STARD9: variants seen among roughly 807,000 people sequenced by gnomAD.
The protein encoded by STARD9 is stAR-related lipid transfer protein 9.
Under a neutral mutation model 399.8 loss-of-function variants are expected in STARD9, and 346 were observed. The ratio of observed to expected loss-of-function variants is 0.87; its 90% CI spans 0.79 to 0.95. The LOEUF (loss-of-function observed/expected upper bound fraction) is 0.95. Ranked by LOEUF, STARD9 falls within the 40% of genes least tolerant of loss-of-function variation. The pLI is 0.00. For synonymous variants in STARD9, 2,203 were observed against 2,143.5 expected (o/e 1.03, Z -0.77); for missense variants, 5,832 against 5,667.5 (o/e 1.03, Z -0.93).
In STARD9 at chr15:42,580,525, A is replaced by G. The variant is rs530892848; in HGVS notation, c.48-2821A>G. Among the ~76,000 whole-genome samples the G allele has an allele frequency of 2.6e-5, 4 of 152,302 alleles. No homozygotes were observed. The South Asian group carries it at 8.3e-4, about 32-fold the overall frequency. On this transcript the variant is annotated intron_variant, in intron 1 of 32. Transcript: ENST00000290607. ...GGTATGAGGGTGGCTCTCAATAAAA[A>G]AAAACAACTAGAAGGCGTGGTGGCT...
intron 3 of STARD9, among the ~76,000 whole-genome samples, chr15:42,615,580 T>TTA (rs1196591413): frequency 4.6e-5 from 7 of 151,454 alleles, no homozygotes; most frequent in East Asian, 3.9e-4. Context: ...AAAACCCATA[T>TTA]TATATATATA....
rs866086417 is a variant in STARD9, at chr15:42,642,117, G to C, written c.559+3305G>C. 5.3e-5 allele frequency among the ~76,000 whole-genome samples: 8 copies of C among 152,214 alleles called. No individual in the cohort carries two copies. The South Asian group carries it at 1.2e-3, about 24-fold the overall frequency. On this transcript the variant is annotated intron_variant, in intron 7 of 32. Transcript: ENST00000290607. The stretch of plus-strand genomic sequence containing the variant: ...CTGTCTTAAGGCTTATCCATTCTGT[G>C]AATATGACTTTAAAGTGGAAAGTGG...
rs1428640602 is a variant in STARD9 at position 42,690,226 on chromosome 15, G to T, written c.8648G>T (p.Gly2883Val). 6.5e-7 allele frequency: 1 copy of T among 1,537,576 alleles called. No homozygotes were observed. Among genetic ancestry groups the T allele is most frequent in the Non-Finnish European group, 8.7e-7 (1 of 1,146,980 alleles). The part of the protein sequence containing the change: ...CVQCKESVGS[G>V]LTEVCRAGSK... ...CAGTGTAAGGAGAGTGTTGGGTCTG[G>T]GTTGACAGAAGTCTGCAGGGCTGGC... Residue 2883 changes from glycine to valine, a missense_variant, in exon 23 of 33, where the codon GGG (glycine) becomes GTG (valine). By Grantham distance (109) the Gly-to-Val change is moderately radical (BLOSUM62 -3). Transcript: ENST00000290607.
chr15:42,690,752 A>T lies in STARD9; in HGVS notation c.9174A>T (p.Arg3058Ser). 1.3e-6 allele frequency: 2 copies of T among 1,537,230 alleles called. No individual in the cohort carries two copies. Among genetic ancestry groups the T allele is most frequent in the Non-Finnish European group, 1.7e-6 (2 of 1,146,904 alleles). The change falls in exon 23 of 33, where the codon AGA (arginine) becomes AGT (serine). Residue 3058 changes from arginine to serine, a missense_variant. By Grantham distance (110) the Arg-to-Ser change is moderately radical (BLOSUM62 -1). This residue lies in a region of STARD9 where 5,828 missense variants were observed against 5,651.1 expected (regional missense o/e 1.03). Coordinates refer to ENST00000290607, the MANE Select transcript of STARD9 (RefSeq NM_020759.3). ...AAVLSRAQGC[R>S]SPSAPDVRTG... ...TCCTATCTCGAGCTCAAGGCTGCAG[A>T]TCCCCTTCTGCTCCTGACGTGAGGA...
chr15:42,712,094 TATAATATATA>T (rs2140393573), intron 26 of STARD9, among the ~76,000 whole-genome samples: 2 of 134 alleles, frequency 0.015, 1 homozygote, highest in Admixed American at 0.33. Flanking sequence ...TATATATATA[TATAATATATA>T]ATATATAATA....
chr15:42,600,356 G>A (rs1242307774), intron 3 of STARD9, among the ~76,000 whole-genome samples: 3 of 152,090 alleles, frequency 2.0e-5, no homozygotes, highest in Non-Finnish European at 4.4e-5. Context: ...CTGAGGAGAG[G>A]AAGCAGTGTA....
chr15:42,649,133 G>A (rs201194728), intron 7 of STARD9, among the ~76,000 whole-genome samples: 8 of 152,006 alleles, frequency 5.3e-5, no homozygotes, highest in East Asian at 3.9e-4. Context: ...GGGTTCAAGC[G>A]ATTCTCTTGC....
rs2060508101 is a variant in STARD9 at position 42,684,707 on chromosome 15, G to GC, written c.3130dup (p.His1044ProfsTer8). ...CTTCTCCAAGCAGGGCATCAAAAAGGCATCAGAGGGTTCTGGCAACTAGGG... is the reference window on the plus strand; with the variant it reads ...CTTCTCCAAGCAGGGCATCAAAAAGGCCATCAGAGGGTTCTGGCAACTAGGG... On this transcript the variant is annotated frameshift_variant, in exon 23 of 33. Coordinates refer to ENST00000290607, the MANE Select transcript of STARD9 (RefSeq NM_020759.3). LOFTEE classifies it high-confidence loss of function. 6.5e-7 allele frequency: 1 copy of GC among 1,537,074 alleles called. No individual in the cohort carries two copies.
At chr15:42,641,356 T>C (rs1280288259) in intron 7 of STARD9, among the ~76,000 whole-genome samples, 1 of 152,170 alleles carries the variant, frequency 6.6e-6, no homozygotes. Context: ...AGGTGGACAT[T>C]TCGTTGTTTT....
rs1360413195 is a variant in STARD9, at chr15:42,693,092, T to C, written c.11514T>C (p.Ser3838=). The C allele has an allele frequency of 6.5e-7, 1 of 1,537,028 alleles. No homozygotes were observed. The highest frequency in any genetic ancestry group is 2.4e-5 in the East Asian group (1 of 40,914). Reference sequence around the variant, plus strand: ...TTCCTTCTGTGAGCCCCTCAGTTTCTGATGCTTTCCTGCCTCCCAGCTCCC... The same window carrying C: ...TTCCTTCTGTGAGCCCCTCAGTTTCCGATGCTTTCCTGCCTCCCAGCTCCC... The part of the protein sequence containing the change: ...QHLPSVSPSV[S]DAFLPPSSQP... Residue 3838 remains serine (S), a synonymous_variant, in exon 23 of 33, where the codon TCT becomes TCC. Coordinates refer to ENST00000290607, the MANE Select transcript of STARD9 (RefSeq NM_020759.3).
chr15:42,686,329 C>T lies in STARD9; in HGVS notation c.4751C>T (p.Ala1584Val), dbSNP rs1005986960. ...SDFFSTSEKE[A>V]SYDETYSADL... Reference sequence around the variant, plus strand: ...TTCTTTAGCACTAGTGAGAAAGAGGCGAGTTATGACGAAACTTATTCGGCA... The same window carrying T: ...TTCTTTAGCACTAGTGAGAAAGAGGTGAGTTATGACGAAACTTATTCGGCA... The change falls in exon 23 of 33, where the codon GCG becomes GTG. Residue 1584 changes from alanine to valine, a missense_variant. Physicochemically the swap from Ala to Val is moderately conservative, Grantham distance 64. Transcript: ENST00000290607. The T allele has an allele frequency of 5.9e-6, 9 of 1,537,278 alleles. No homozygotes were observed. Among genetic ancestry groups the T allele is most frequent in the East Asian group, 4.9e-5 (2 of 40,920 alleles).
intron 20 of STARD9, among the ~76,000 whole-genome samples, chr15:42,676,761 G>T (rs1038613881): frequency 6.6e-6 from 1 of 152,158 alleles, no homozygotes; most frequent in African/African-American, 2.4e-5. Flanking sequence ...TTCAGCAGGG[G>T]ACTTGGTGCC....
At chr15:42,718,292 A>C in intron 30 of STARD9, 113 bp downstream of exon 30, 4 of 1,235,478 alleles carry the variant, frequency 3.2e-6, no homozygotes, top group Non-Finnish European at 4.6e-6. Context: ...GAGGCCAGGT[A>C]CTCAGGTTAC....
At chr15:42,697,839 C>G (rs2060877116) in intron 26 of STARD9, among the ~76,000 whole-genome samples, 1 of 152,076 alleles carries the variant, frequency 6.6e-6, no homozygotes, top group Non-Finnish European at 1.5e-5. Flanking sequence ...ACTTCTGGTC[C>G]CACACATTTT....
At chr15:42,645,309 C>G (rs1482316119) in intron 7 of STARD9, among the ~76,000 whole-genome samples, 1 of 152,160 alleles carries the variant, frequency 6.6e-6, no homozygotes, top group Non-Finnish European at 1.5e-5. Flanking sequence ...ATTCCTTGGT[C>G]CATTGGCCAT....
At chr15:42,631,013 G>T (rs1368407188) in intron 3 of STARD9, among the ~76,000 whole-genome samples, 1 of 149,034 alleles carries the variant, frequency 6.7e-6, no homozygotes, top group African/African-American at 2.5e-5. Flanking sequence ...AAATAGAAAT[G>T]GAGTCTTACT....
intron 26 of STARD9, among the ~76,000 whole-genome samples, chr15:42,701,733 G>T (rs541989351): frequency 6.6e-6 from 1 of 152,164 alleles, no homozygotes; most frequent in East Asian, 1.9e-4. Context: ...GGTGGCTCAC[G>T]CCTGTAATCC....
chr15:42,710,057 CT>C (rs1218850356), intron 26 of STARD9, among the ~76,000 whole-genome samples: 4,885 of 119,910 alleles, frequency 0.041, 181 homozygotes, highest in African/African-American at 0.12. Context: ...CATGCCCTGT[CT>C]TTTTTTTTTT....
chr15:42,579,802 A>G (rs2058130583), intron 1 of STARD9, among the ~76,000 whole-genome samples: 2 of 152,136 alleles, frequency 1.3e-5, no homozygotes, highest in African/African-American at 2.4e-5. Context: ...AACTATCACA[A>G]TGCTCACTGG....
Sources: gnomAD v4.1 joint callset for allele counts (sites outside exome capture counted in the v4.1 genomes callset) on GRCh38, gnomAD v4.1.1 for gene constraint, gnomAD v4.1.1 regional missense constraint, MANE v1.5 for transcripts, NCBI Gene and HGNC (gene_info 2026-07-23, HGNC 2026-07-21) for gene names.